Variants in ZNF43 observed in about 807,000 individuals in gnomAD.
ZNF43 encodes zinc finger protein 39-like 1 (KOX 27).
A neutral mutation model predicts 68.4 loss-of-function variants in ZNF43; 44 were observed. That is an observed-to-expected ratio of 0.64 (90% CI 0.51 to 0.83). ZNF43 has a LOEUF of 0.83. ZNF43 is among the 40% of genes least tolerant of loss of function. The pLI is 0.00. For missense variants in ZNF43, 896 were observed against 933.2 expected, an observed-to-expected ratio of 0.96 and a Z score of 0.52; for synonymous variants, 308 against 307.8, an observed-to-expected ratio of 1.00 and a Z score of -0.01.
chr19:21,830,799 A>G (rs1295051888), intron 1 of ZNF43, among the ~76,000 whole-genome samples: 1 of 152,158 alleles, frequency 6.6e-6, no homozygotes, highest in Non-Finnish European at 1.5e-5. Context: ...TATAAAACAA[A>G]AAAAGAAAAC....
intron 1 of ZNF43, among the ~76,000 whole-genome samples, chr19:21,844,921 A>AAAAAAATAT (rs1310761266): frequency 6.9e-4 from 18 of 26,048 alleles, no homozygotes; most frequent in African/African-American, 2.0e-3. Flanking sequence ...AAAAAAAAAA[A>AAAAAAATAT]ATATATATAT....
intron 1 of ZNF43, among the ~76,000 whole-genome samples, chr19:21,827,471 C>T (rs1599500502): frequency 6.6e-6 from 1 of 151,446 alleles, no homozygotes; most frequent in South Asian, 2.1e-4. Context: ...AAGTGATTCT[C>T]CTGCCTCAGC....
At chr19:21,833,442 G>GT (rs1365534396) in intron 1 of ZNF43, among the ~76,000 whole-genome samples, 1 of 151,590 alleles carries the variant, frequency 6.6e-6, no homozygotes. Context: ...TAATTTTTTT[G>GT]TATTTTTAGT....
upstream of ZNF43, chr19:21,840,857 G>C (rs557296597): frequency 6.6e-6 from 1 of 152,244 alleles, no homozygotes; most frequent in East Asian, 1.9e-4. Flanking sequence ...TCATGCATTA[G>C]AGTCAACATC....
At chr19:21,836,007 C>T in intron 1 of ZNF43, 29 bp downstream of exon 1, 4 of 1,613,912 alleles carry the variant, frequency 2.5e-6, no homozygotes, top group South Asian at 2.2e-5. Flanking sequence ...CCCCTTCCCC[C>T]TCTCGGGATG....
intron 1 of ZNF43, among the ~76,000 whole-genome samples, chr19:21,824,047 G>A (rs1209500281): frequency 6.6e-6 from 1 of 152,122 alleles, no homozygotes; most frequent in Admixed American, 6.5e-5. Context: ...AAATTAGCCG[G>A]GCGTGGTGAT....
Position 21,836,150 on chromosome 19 carries a change from A to G in ZNF43, c.-112T>C. The G allele has an allele frequency of 6.3e-7, 1 of 1,579,570 alleles. No individual in the cohort carries two copies. The highest frequency in any genetic ancestry group is 1.8e-5 in the Admixed American group (1 of 55,632). The stretch of plus-strand genomic sequence containing the variant: ...CAGCAGAGGACACAGAAGAACGAAG[A>G]CGAGACGCAGAGCTCCAACTGCAGC... On this transcript the variant is annotated 5_prime_UTR_variant, in exon 1 of 4. Transcript: ENST00000354959.
Position 21,809,259 on chromosome 19 carries a change from A to G in ZNF43, c.778T>C (p.Cys260Arg), listed in dbSNP as rs777631517. Residue 260 changes from cysteine (C) to arginine (R), a missense_variant, in exon 4 of 4, where the codon TGT (cysteine) becomes CGT (arginine). Cys to Arg is a radical substitution (Grantham distance 180). Coordinates refer to ENST00000354959, the MANE Select transcript of ZNF43 (RefSeq NM_003423.4). ...TTAAAAGCTTTGCCACATTCTTCAC[A>G]TTTGTAGAGTTTGTATCTAGTATAA... is the stretch of plus-strand genomic sequence containing the variant. ...KNYTRYKLYK[C>R]EECGKAFNKS... 1.1e-5 allele frequency: 17 copies of G among 1,613,384 alleles called. 1 individual carries two copies. The South Asian group carries it at 1.9e-4, about 18-fold the overall frequency.
intron 3 of ZNF43, among the ~76,000 whole-genome samples, chr19:21,810,444 A>C (rs973936461): frequency 6.6e-6 from 1 of 152,230 alleles, no homozygotes; most frequent in African/African-American, 2.4e-5. Context: ...ATTCACCTCC[A>C]TGACAAAAAT....
At chr19:21,811,550 A>AC (rs988216324) in intron 3 of ZNF43, among the ~76,000 whole-genome samples, 9 of 151,552 alleles carry the variant, frequency 5.9e-5, no homozygotes, top group Non-Finnish European at 1.0e-4. Flanking sequence ...AAAAAAACAA[A>AC]AAAAAAAAAC....
intron 1 of ZNF43, among the ~76,000 whole-genome samples, chr19:21,824,965 G>A (rs1044376852): frequency 6.6e-6 from 1 of 152,142 alleles, no homozygotes; most frequent in South Asian, 2.1e-4. Flanking sequence ...GCTGGGCACG[G>A]TGGCTCATGC....
intron 1 of ZNF43, among the ~76,000 whole-genome samples, chr19:21,829,160 G>A (rs780345496): frequency 2.6e-5 from 4 of 151,186 alleles, no homozygotes; most frequent in African/African-American, 9.7e-5. Context: ...TGAGGCAGAG[G>A]TCACAGTGAA....
chr19:21,833,407 A>T (rs2038519723), intron 1 of ZNF43, among the ~76,000 whole-genome samples: 1 of 151,976 alleles, frequency 6.6e-6, no homozygotes, highest in African/African-American at 2.4e-5. Flanking sequence ...AGCTGGGATT[A>T]CAGGCGCCTG....
chr19:21,848,401 C>T (rs1968109964), intron 1 of ZNF43, among the ~76,000 whole-genome samples: 1 of 152,088 alleles, frequency 6.6e-6, no homozygotes, highest in South Asian at 2.1e-4. Flanking sequence ...TCATCTCAGC[C>T]TCCCAGAGTG....
In ZNF43 at chr19:21,809,276, C is replaced by G. The variant is rs950716836; in HGVS notation, c.761G>C (p.Arg254Thr). 15 of 1,612,974 alleles carry G rather than the reference C, an allele frequency of 9.3e-6. No individual in the cohort carries two copies. Among genetic ancestry groups the G allele is most frequent in the Non-Finnish European group, 1.2e-5 (14 of 1,179,734 alleles). The part of the protein sequence containing the change: ...RLTTHKKNYT[R>T]YKLYKCEECG... ...TTCTTCACATTTGTAGAGTTTGTATCTAGTATAATTTTTTTTATGTGTAGT... is the reference window on the plus strand; with the variant it reads ...TTCTTCACATTTGTAGAGTTTGTATGTAGTATAATTTTTTTTATGTGTAGT... The change falls in exon 4 of 4, where the codon AGA becomes ACA. Residue 254 changes from arginine (R) to threonine (T), a missense_variant. Transcript: ENST00000354959.
At chr19:21,828,914 T>C (rs550345816) in intron 1 of ZNF43, among the ~76,000 whole-genome samples, 199 of 147,358 alleles carry the variant, frequency 1.4e-3, no homozygotes, top group Middle Eastern at 3.7e-3. Flanking sequence ...GCGCCTATAC[T>C]CCCAGCTACT....
intron 1 of ZNF43, among the ~76,000 whole-genome samples, chr19:21,832,971 T>A (rs1258748835): frequency 6.6e-6 from 1 of 152,140 alleles, no homozygotes; most frequent in Non-Finnish European, 1.5e-5. Context: ...GAAATCAAGA[T>A]GATAGGATAT....
At chr19:21,812,251 C>T (rs534852475) in intron 3 of ZNF43, among the ~76,000 whole-genome samples, 6 of 152,222 alleles carry the variant, frequency 3.9e-5, no homozygotes, top group African/African-American at 9.6e-5. Context: ...CTCGGCCTCC[C>T]GAGTAGCTGG....
At chr19:21,836,199 C>A (rs886290202), upstream of ZNF43, 2 of 1,511,372 alleles carry the variant, frequency 1.3e-6, no homozygotes, top group Non-Finnish European at 1.8e-6. Context: ...CCCGCCACAT[C>A]CCGGAAGCCG....
Sources: allele counts gnomAD v4.1 joint callset (sites outside exome capture counted in the v4.1 genomes callset), GRCh38; gene constraint gnomAD v4.1.1; transcripts MANE v1.5; gene names NCBI Gene and HGNC (gene_info 2026-07-23, HGNC 2026-07-21).